The following SIPA1L3 variants were observed in gnomAD, a reference collection of about 807,000 sequenced individuals.
SIPA1L3 encodes signal-induced proliferation-associated 1-like protein 3.
A neutral mutation model predicts 150.1 loss-of-function variants in SIPA1L3; 59 were observed. The observed-to-expected ratio is 0.39, with a 90% CI of 0.32 to 0.49. The LOEUF (loss-of-function observed/expected upper bound fraction) is 0.49. Among genes scored for constraint, SIPA1L3 ranks in the 20% least tolerant of loss-of-function variants. SIPA1L3 has a pLI of 0.86. For missense variants in SIPA1L3, 2,211 were observed against 2,489.5 expected (o/e 0.89, Z 2.38); for synonymous variants, 1,070 against 1,077.6 (o/e 0.99, Z 0.14).
intron 1 of SIPA1L3, among the ~76,000 whole-genome samples, chr19:38,027,596 C>T (rs1968542925): frequency 6.6e-6 from 1 of 151,968 alleles, no homozygotes; most frequent in African/African-American, 2.4e-5. Context: ...CCTTCATTGA[C>T]CATTGTGACA....
rs192385950 is a variant in SIPA1L3, at chr19:38,001,173, A to G, written c.-378-27916A>G. ...GGGAGGTTGGGTGGAGTTACTTCAG[A>G]ATAAAGCTCTCTGCTTAATGTTTGA... On this transcript the variant is annotated intron_variant, in intron 1 of 21. Transcript: ENST00000222345. Among the ~76,000 whole-genome samples the G allele has an allele frequency of 3.6e-4, 54 of 151,926 alleles. No individual in the cohort carries two copies. The East Asian group carries it at 9.1e-3, about 26-fold the overall frequency.
chr19:38,070,014 A>G (rs758240113), intron 2 of SIPA1L3, among the ~76,000 whole-genome samples: 3 of 151,580 alleles, frequency 2.0e-5, no homozygotes, highest in African/African-American at 7.3e-5. Flanking sequence ...CTGTACCTCT[A>G]TTGTATGCTG....
At chr19:38,157,586 G>C (rs551798635) in intron 13 of SIPA1L3, among the ~76,000 whole-genome samples, 77 of 152,298 alleles carry the variant, frequency 5.1e-4, no homozygotes, top group African/African-American at 1.8e-3. Context: ...GCTGCCCAGA[G>C]ACTGTGCCTG....
chr19:37,995,530 A>C (rs1049599560), intron 1 of SIPA1L3, among the ~76,000 whole-genome samples: 2 of 152,164 alleles, frequency 1.3e-5, no homozygotes, highest in African/African-American at 2.4e-5. Context: ...GTGCGGGGGA[A>C]CACAGGAAAG....
chr19:37,908,465 C>G (rs2046353653), intron 1 of SIPA1L3, among the ~76,000 whole-genome samples: 1 of 152,182 alleles, frequency 6.6e-6, no homozygotes, highest in African/African-American at 2.4e-5. Flanking sequence ...CACATTTGCT[C>G]CCATCCTCAG....
chr19:38,148,742 C>T (rs779831109), intron 12 of SIPA1L3, among the ~76,000 whole-genome samples: 5 of 152,184 alleles, frequency 3.3e-5, no homozygotes, highest in Non-Finnish European at 7.3e-5. Context: ...GTAGCCCAAC[C>T]CTGCTCCCCG....
chr19:38,027,183 C>T (rs1241760220), intron 1 of SIPA1L3, among the ~76,000 whole-genome samples: 2 of 152,026 alleles, frequency 1.3e-5, no homozygotes, highest in Non-Finnish European at 2.9e-5. Flanking sequence ...CCCAGCTACT[C>T]GGGAGGCTGA....
chr19:38,038,404 G>C (rs541083227), intron 2 of SIPA1L3, among the ~76,000 whole-genome samples: 7 of 152,088 alleles, frequency 4.6e-5, no homozygotes, highest in African/African-American at 1.7e-4. Context: ...AGCCTGGCCA[G>C]CATGGTGAAA....
At chr19:38,095,920 T>C (rs1490047748) in intron 4 of SIPA1L3, among the ~76,000 whole-genome samples, 1 of 152,172 alleles carries the variant, frequency 6.6e-6, no homozygotes, top group African/African-American at 2.4e-5. Flanking sequence ...GTCAGTAGGA[T>C]ATAAAGACAC....
intron 1 of SIPA1L3, among the ~76,000 whole-genome samples, chr19:37,983,168 G>A (rs896170896): frequency 2.0e-5 from 3 of 152,184 alleles, no homozygotes; most frequent in Non-Finnish European, 2.9e-5. Flanking sequence ...CTCATGTGAT[G>A]GAACTAACAT....
chr19:37,981,802 G>A (rs1353845658), intron 1 of SIPA1L3, among the ~76,000 whole-genome samples: 1 of 152,130 alleles, frequency 6.6e-6, no homozygotes, highest in Non-Finnish European at 1.5e-5. Context: ...GGAGGCCCTG[G>A]AAGAGAGGAT....
At chr19:37,990,496 C>T (rs1339666482) in intron 1 of SIPA1L3, among the ~76,000 whole-genome samples, 2 of 152,170 alleles carry the variant, frequency 1.3e-5, no homozygotes, top group African/African-American at 2.4e-5. Flanking sequence ...GACTTCAGAG[C>T]GCTCTCTTCT....
intron 15 of SIPA1L3, among the ~76,000 whole-genome samples, chr19:38,175,934 G>A (rs60811178): frequency 3.3e-5 from 5 of 151,998 alleles, no homozygotes; most frequent in African/African-American, 4.8e-5. Flanking sequence ...CAGGCTGGGC[G>A]CTGTGGCTCA....
chr19:38,169,957 TGAG>T lies in SIPA1L3; in HGVS notation c.4208+5053_4208+5055del, dbSNP rs1305940925. Among the ~76,000 whole-genome samples, 4 of 135,894 alleles carry T rather than the reference TGAG, an allele frequency of 2.9e-5. No individual in the cohort carries two copies. In the East Asian group the frequency reaches 8.6e-4, roughly 29 times the overall value. The allele number at this position is 135,894 out of a possible 152,430, so 89.2% of individuals were successfully genotyped here. A position where few individuals can be genotyped will look rare whatever the true frequency, so the allele number is the denominator to read the frequency against. Reference sequence around the variant, plus strand: ...CCCAGGTAGAGGGGCCAGGGTGAGATGAGGGGCCCAGGTAGAGGGGCCAGGGTA... The same window carrying T: ...CCCAGGTAGAGGGGCCAGGGTGAGATGGGCCCAGGTAGAGGGGCCAGGGTA... On this transcript the variant is annotated intron_variant, in intron 15 of 21. Coordinates refer to ENST00000222345, the MANE Select transcript of SIPA1L3 (RefSeq NM_015073.3).
intron 1 of SIPA1L3, among the ~76,000 whole-genome samples, chr19:37,916,948 G>C (rs1456068247): frequency 7.0e-6 from 1 of 142,064 alleles, no homozygotes; most frequent in African/African-American, 2.5e-5. Flanking sequence ...AACAGAGTGA[G>C]ACTCCTTCTC....
At chr19:38,150,390 G>A (rs369941338) in intron 12 of SIPA1L3, among the ~76,000 whole-genome samples, 1 of 152,108 alleles carries the variant, frequency 6.6e-6, no homozygotes, top group Non-Finnish European at 1.5e-5. Context: ...TGAGCTGGCA[G>A]GGTGACCCTG....
intron 1 of SIPA1L3, among the ~76,000 whole-genome samples, chr19:37,985,826 C>T (rs760337141): frequency 6.6e-6 from 1 of 152,212 alleles, no homozygotes; most frequent in Non-Finnish European, 1.5e-5. Flanking sequence ...CTCCTCCCAG[C>T]CTTCCCAGGG....
intron 1 of SIPA1L3, among the ~76,000 whole-genome samples, chr19:37,960,491 C>T (rs2046848002): frequency 6.6e-6 from 1 of 151,528 alleles, no homozygotes; most frequent in Admixed American, 6.6e-5. Context: ...GCAAGCTCCG[C>T]CTGCTGGGTT....
chr19:38,014,020 C>G (rs755085722), intron 1 of SIPA1L3, among the ~76,000 whole-genome samples: 3 of 152,260 alleles, frequency 2.0e-5, no homozygotes, highest in Non-Finnish European at 4.4e-5. Flanking sequence ...ACTTCATTCT[C>G]TTCCACGTCA....
Sources: allele counts gnomAD v4.1 joint callset (sites outside exome capture counted in the v4.1 genomes callset), GRCh38; gene constraint gnomAD v4.1.1; transcripts MANE v1.5; gene names NCBI Gene and HGNC (gene_info 2026-07-23, HGNC 2026-07-21).